DDX17: variants seen among roughly 807,000 people sequenced by gnomAD.
DDX17 encodes the protein DEAD-box helicase 17.
DDX17 carries 10 observed loss-of-function variants against 80.8 expected under a neutral mutation model. The ratio of observed to expected loss-of-function variants is 0.12; its 90% CI spans 0.08 to 0.21. DDX17 has a LOEUF of 0.21. Among genes scored for constraint, DDX17 ranks in the 10% least tolerant of loss-of-function variants. The pLI, the probability that DDX17 is intolerant of heterozygous loss-of-function variation, is 1.00. For missense variants in DDX17, 586 were observed against 957.4 expected (o/e 0.61, Z 5.12); for synonymous variants, 339 against 336.2 (o/e 1.01, Z -0.09).
intron 10 of DDX17, among the ~76,000 whole-genome samples, chr22:38,492,890 CTCAT>C (rs1216842607): frequency 6.6e-6 from 1 of 152,098 alleles, no homozygotes; most frequent in East Asian, 1.9e-4. Flanking sequence ...TAAAATATGA[CTCAT>C]TAAGAAACAT....
At chr22:38,492,459 C>T (rs1202327942) in intron 10 of DDX17, among the ~76,000 whole-genome samples, 1 of 152,084 alleles carries the variant, frequency 6.6e-6, no homozygotes, top group Non-Finnish European at 1.5e-5. Context: ...AACTGAATTT[C>T]CCCCCAAAAG....
At chr22:38,499,277 TA>T in intron 3 of DDX17, 122 bp downstream of exon 3, 2 of 729,580 alleles carry the variant, frequency 2.7e-6, no homozygotes, top group Non-Finnish European at 4.8e-6. Context: ...CTGATGACCA[TA>T]AAAACAATCT....
intron 1 of DDX17, 127 bp from the exon 2 acceptor site, chr22:38,501,407 A>G: frequency 9.0e-7 from 1 of 1,113,188 alleles, no homozygotes; most frequent in Non-Finnish European, 1.2e-6. Flanking sequence ...AGACCATTTT[A>G]TTTGCTGTGA....
chr22:38,498,407 C>T, intron 4 of DDX17, 33 bp downstream of exon 4: 8 of 1,611,952 alleles, frequency 5.0e-6, no homozygotes, highest in Non-Finnish European at 6.8e-6. Flanking sequence ...TAAGTTACCA[C>T]AATATCAAGG....
chr22:38,495,400 C>A (rs1201193265), intron 6 of DDX17, among the ~76,000 whole-genome samples: 2 of 152,124 alleles, frequency 1.3e-5, no homozygotes, highest in Non-Finnish European at 2.9e-5. Flanking sequence ...CACCTGCCAC[C>A]ACGCCTGGCT....
intron 2 of DDX17, among the ~76,000 whole-genome samples, chr22:38,500,732 G>A (rs1015940743): frequency 9.7e-5 from 14 of 144,398 alleles, no homozygotes; most frequent in East Asian, 2.1e-4. Context: ...CAGTAGAATC[G>A]CTTGAACCCA....
chr22:38,486,491 A>G lies in DDX17; in HGVS notation c.1685-51T>C, dbSNP rs1163502224. 3.4e-6 allele frequency: 5 copies of G among 1,487,988 alleles called. No individual in the cohort carries two copies. In the East Asian group the frequency reaches 7.1e-5, roughly 21 times the overall value. 92.2% of individuals were successfully genotyped at this position (1,487,988 alleles called of 1,614,324 possible). A position where few individuals can be genotyped will look rare whatever the true frequency, so the allele number is the denominator to read the frequency against. ...TTAATGGCAGATATAGGACCTAAAC[A>G]TAACAATGTAAAAATTCTACTGGGT... On this transcript the variant is annotated intron_variant, in intron 12 of 12. Coordinates refer to ENST00000403230, the MANE Select transcript of DDX17 (RefSeq NM_006386.5).
Position 38,483,779 on chromosome 22 carries a change from A to G in DDX17, c.*2156T>C, listed in dbSNP as rs2089625764. 3 of 152,268 alleles carry G rather than the reference A, an allele frequency of 2.0e-5. No homozygotes were observed. Among genetic ancestry groups the G allele is most frequent in the Admixed American group, 2.0e-4 (3 of 15,284 alleles). The allele number at this position is 152,268 out of a possible 1,614,324, so 9.4% of individuals were successfully genotyped here. Reference sequence around the variant, plus strand: ...TTCAACCATGAATGCAATAACTAGCATAAAACGATTCTTCTGCTCATGTTC... The same window carrying G: ...TTCAACCATGAATGCAATAACTAGCGTAAAACGATTCTTCTGCTCATGTTC... On this transcript the variant is annotated 3_prime_UTR_variant, in exon 13 of 13. Transcript: ENST00000403230.
Position 38,497,948 on chromosome 22 carries a change from G to T in DDX17, c.738+137C>A, listed in dbSNP as rs184904665. On this transcript the variant is annotated intron_variant, in intron 5 of 12. Coordinates refer to ENST00000403230, the MANE Select transcript of DDX17 (RefSeq NM_006386.5). ...TCTTGGGTAAGTCATTTAATTCCAAGTAAGATGAGAATGAAACCATTTCCA... is the reference window on the plus strand; with the variant it reads ...TCTTGGGTAAGTCATTTAATTCCAATTAAGATGAGAATGAAACCATTTCCA... 578 of 748,258 alleles carry T rather than the reference G, an allele frequency of 7.7e-4. 2 individuals are homozygous for T. In the African/African-American group the frequency reaches 9.1e-3, roughly 12 times the overall value. 46.4% of individuals were successfully genotyped at this position (748,258 alleles called of 1,614,324 possible). A position where few individuals can be genotyped will look rare whatever the true frequency, so the allele number is the denominator to read the frequency against.
chr22:38,494,170 G>C, intron 8 of DDX17, 39 bp from the exon 9 acceptor site: 4 of 1,351,040 alleles, frequency 3.0e-6, no homozygotes, highest in Non-Finnish European at 4.2e-6. Flanking sequence ...CACACAGAAA[G>C]TTATTATGTG....
At chr22:38,504,948 C>A (rs1420082189) in intron 1 of DDX17, among the ~76,000 whole-genome samples, 1 of 152,146 alleles carries the variant, frequency 6.6e-6, no homozygotes, top group Non-Finnish European at 1.5e-5. Flanking sequence ...TTCGCTCTTG[C>A]CACGGGCTGG....
chr22:38,497,297 C>CAAAAAAAAA (rs138448), intron 5 of DDX17, among the ~76,000 whole-genome samples: 3 of 36,172 alleles, frequency 8.3e-5, no homozygotes, highest in Non-Finnish European at 9.1e-5. Context: ...AACTCCATCT[C>CAAAAAAAAA]AAAAAAAAAA....
In DDX17 at chr22:38,489,938, G is replaced by T. The variant is rs1014098001; in HGVS notation, c.1448-1823C>A. The T allele has an allele frequency of 3.0e-6, 3 of 998,236 alleles. No individual in the cohort carries two copies. The highest frequency in any genetic ancestry group is 3.6e-6 in the Non-Finnish European group (3 of 837,242). The allele number at this position is 998,236 out of a possible 1,614,324, so 61.8% of individuals were successfully genotyped here. The stretch of plus-strand genomic sequence containing the variant: ...GCATATGACCATGGCAGTAGAACAA[G>T]TTCAATTACTACACTGGATGCGTTA... On this transcript the variant is annotated intron_variant, in intron 11 of 12. Coordinates refer to ENST00000403230, the MANE Select transcript of DDX17 (RefSeq NM_006386.5). This position sits in a 1 kb window ranked among gnomAD's most constrained non-coding sequence, Gnocchi z 4.6.
In DDX17 at chr22:38,497,297, C is replaced by CAAAAA. The variant is rs138448; in HGVS notation, c.738+783_738+787dup. 2.2e-3 allele frequency among the ~76,000 whole-genome samples: 80 copies of CAAAAA among 36,160 alleles called. 5 individuals are homozygous for CAAAAA. The highest frequency in any genetic ancestry group is 3.6e-3 in the African/African-American group (29 of 7,974). The allele number at this position is 36,160 out of a possible 152,430, so 23.7% of individuals were successfully genotyped here. A position where few individuals can be genotyped will look rare whatever the true frequency, so the allele number is the denominator to read the frequency against. ...GGCAACCAAGAGCGAAACTCCATCTCAAAAAAAAAAAAAAAAAAAAAAAAA... is the reference window on the plus strand; with the variant it reads ...GGCAACCAAGAGCGAAACTCCATCTCAAAAAAAAAAAAAAAAAAAAAAAAAAAAAA... On this transcript the variant is annotated intron_variant, in intron 5 of 12. Transcript: ENST00000403230.
In DDX17 at chr22:38,494,908, C is replaced by A; in HGVS notation, c.1019G>T (p.Arg340Leu). The stretch of plus-strand genomic sequence containing the variant: ...CACCCTGATTTGGTCAACAATTTTA[C>A]GGATCTGGGGTTCAAACCCCATATC... Residue 340 changes from arginine (R) to leucine (L), a missense_variant, in exon 7 of 13, where the codon CGT becomes CTT. Physicochemically the swap from Arg to Leu is moderately radical, Grantham distance 102 (BLOSUM62 -2). Around this residue, in one of 4 missense-constraint regions of DDX17, gnomAD observed 141 missense variants for 379.3 expected, o/e 0.37. Transcript: ENST00000403230. 6.2e-7 allele frequency: 1 copy of A among 1,614,082 alleles called. No homozygotes were observed.
At chr22:38,500,271 A>T (rs561368982) in intron 2 of DDX17, among the ~76,000 whole-genome samples, 1 of 152,280 alleles carries the variant, frequency 6.6e-6, no homozygotes, top group East Asian at 1.9e-4. Context: ...ACAGATTAGT[A>T]AGCATTATCA....
intron 1 of DDX17, among the ~76,000 whole-genome samples, chr22:38,502,203 G>A (rs891616789): frequency 2.6e-5 from 4 of 152,272 alleles, no homozygotes; most frequent in Admixed American, 6.5e-5. Context: ...TTGAGGTCAG[G>A]AGTTTGAGAC....
At chr22:38,494,182 A>T (rs771425174) in intron 8 of DDX17, 51 bp from the exon 9 acceptor site, 2 of 1,262,154 alleles carry the variant, frequency 1.6e-6, no homozygotes, top group East Asian at 2.3e-5. Context: ...TATTATGTGG[A>T]CGATTATGTC....
chr22:38,492,457 T>G (rs1281792237), intron 10 of DDX17, among the ~76,000 whole-genome samples: 1 of 152,136 alleles, frequency 6.6e-6, no homozygotes, highest in African/African-American at 2.4e-5. Flanking sequence ...AGAACTGAAT[T>G]TCCCCCCAAA....
Sources: gnomAD v4.1 joint callset for allele counts (sites outside exome capture counted in the v4.1 genomes callset) on GRCh38, gnomAD v4.1.1 for gene constraint, gnomAD v4.1.1 regional missense constraint, Gnocchi (gnomAD v3.1) non-coding constraint, MANE v1.5 for transcripts, NCBI Gene and HGNC (gene_info 2026-07-23, HGNC 2026-07-21) for gene names.